TRIM66: variants seen among roughly 807,000 people sequenced by gnomAD.
The protein encoded by TRIM66 is tripartite motif containing 66, also known as tripartite motif-containing protein 66.
In TRIM66, 99 loss-of-function variants were observed where a neutral mutation model predicts 148.2. The ratio of observed to expected loss-of-function variants is 0.67; its 90% confidence interval spans 0.57 to 0.79. The LOEUF (loss-of-function observed/expected upper bound fraction) is 0.79. Ranked by LOEUF, TRIM66 falls within the 30% of genes least tolerant of loss-of-function variation. The probability of loss-of-function intolerance (pLI) is 0.00; values close to 1 mark genes in which losing one functional copy is unlikely to be tolerated. For missense variants in TRIM66, 1,666 were observed against 1,697.9 expected, an observed-to-expected ratio of 0.98 and a Z score of 0.33; for synonymous variants, 616 against 635.9, an observed-to-expected ratio of 0.97 and a Z score of 0.47.
At chr11:8,650,129 T>C (rs1369300297) in intron 7 of TRIM66, among the ~76,000 whole-genome samples, 1 of 152,070 alleles carries the variant, frequency 6.6e-6, no homozygotes, top group Admixed American at 6.6e-5. Flanking sequence ...CCCCAGTACT[T>C]TGGGAGGCCA....
chr11:8,679,577 C>G (rs982261576), intron 3 of TRIM66, 43 bp downstream of exon 3: 19 of 152,834 alleles, frequency 1.2e-4, no homozygotes, highest in Admixed American at 7.8e-4. Flanking sequence ...GCTCTAATAC[C>G]ACTGATGGTT....
chr11:8,640,682 G>C lies in TRIM66; in HGVS notation c.1693C>G (p.Gln565Glu). ...PVCIVPPQDV[Q>E]QGAHAQPTLQ... Reference sequence around the variant, plus strand: ...GTGGGCTGGGCATGGGCTCCTTGCTGAACATCCTGTGGGGGGACAATGCAC... The same window carrying C: ...GTGGGCTGGGCATGGGCTCCTTGCTCAACATCCTGTGGGGGGACAATGCAC... Residue 565 changes from glutamine (Q) to glutamate (E), a missense_variant, in exon 14 of 25, where the codon CAG becomes GAG. Transcript: ENST00000646038. 3.9e-6 allele frequency: 6 copies of C among 1,551,694 alleles called. No individual in the cohort carries two copies. The highest frequency in any genetic ancestry group is 2.4e-5 in the South Asian group (2 of 84,046).
rs1349491431 is a variant in TRIM66, at chr11:8,638,641, G to A, written c.2310+13C>T. 3 of 1,544,856 alleles carry A rather than the reference G, an allele frequency of 1.9e-6. No individual in the cohort carries two copies. Among genetic ancestry groups the A allele is most frequent in the East Asian group, 4.9e-5 (2 of 40,636 alleles). ...GGTCCCATGTAGTTAGGGAAAACAG[G>A]CTCCTTCAGTACCTTTCTCACCACA... On this transcript the variant is annotated intron_variant, in intron 15 of 24. Transcript: ENST00000646038.
At position 8,648,022 on chromosome 11, in the gene TRIM66, C is replaced by G; in HGVS notation, c.790G>C (p.Val264Leu). Residue 264 changes from valine to leucine, a missense_variant, in exon 10 of 25, where the codon GTG (valine) becomes CTG (leucine). Transcript: ENST00000646038. The stretch of plus-strand genomic sequence containing the variant: ...TGTAGACTGGATTTCTTATGTGCCA[C>G]CTGTGTAGTCACACCTTCCAGAAGC... The part of the protein sequence containing the change: ...RMLLEGVTTQ[V>L]AHKKSSLQTS... 6 of 1,551,798 alleles carry G rather than the reference C, an allele frequency of 3.9e-6. No homozygotes were observed. Among genetic ancestry groups the G allele is most frequent in the Non-Finnish European group, 5.2e-6 (6 of 1,147,014 alleles).
chr11:8,615,413 G>C lies in TRIM66; in HGVS notation c.*2531C>G, dbSNP rs947637683. ...ATTTCCACTGCATGATGTTGTCAAGGACAAAAGGACTTGGCTGACTTCAAA... is the reference window on the plus strand; with the variant it reads ...ATTTCCACTGCATGATGTTGTCAAGCACAAAAGGACTTGGCTGACTTCAAA... On this transcript the variant is annotated 3_prime_UTR_variant, in exon 25 of 25. Coordinates refer to ENST00000646038, the MANE Select transcript of TRIM66 (RefSeq NM_001388022.1). 14 of 152,020 alleles carry C rather than the reference G, an allele frequency of 9.2e-5. No individual in the cohort carries two copies. The highest frequency in any genetic ancestry group is 3.4e-4 in the African/African-American group (14 of 41,382). 9.4% of individuals were successfully genotyped at this position (152,020 alleles called of 1,614,324 possible). A position where few individuals can be genotyped will look rare whatever the true frequency, so the allele number is the denominator to read the frequency against.
intron 15 of TRIM66, among the ~76,000 whole-genome samples, chr11:8,634,865 G>C (rs928433570): frequency 2.0e-5 from 3 of 152,114 alleles, no homozygotes; most frequent in African/African-American, 7.2e-5. Context: ...CTCGCAGAAA[G>C]GTGCGTGGTG....
chr11:8,648,693 T>C, intron 8 of TRIM66, 145 bp from the exon 9 acceptor site: 1 of 1,019,538 alleles, frequency 9.8e-7, no homozygotes. Flanking sequence ...GAGATGACTC[T>C]CCAGGGGCAC....
chr11:8,682,681 A>C, upstream of TRIM66: 1 of 1,020,458 alleles, frequency 9.8e-7, no homozygotes, highest in Non-Finnish European at 1.5e-6. Context: ...GCAGGCGCGC[A>C]ATCCCGCGAG....
At chr11:8,620,366 C>A (rs1042480245) in intron 21 of TRIM66, 80 bp downstream of exon 21, 5 of 1,525,864 alleles carry the variant, frequency 3.3e-6, no homozygotes, top group African/African-American at 1.4e-5. Flanking sequence ...CCCCTCATCC[C>A]CTCTCAAAGG....
At chr11:8,650,577 C>T (rs1326131452) in intron 7 of TRIM66, among the ~76,000 whole-genome samples, 2 of 152,144 alleles carry the variant, frequency 1.3e-5, no homozygotes, top group African/African-American at 4.8e-5. Context: ...AAGCTAAGGA[C>T]ACCCAGATGC....
intron 15 of TRIM66, among the ~76,000 whole-genome samples, chr11:8,629,160 G>C (rs1040948937): frequency 6.6e-6 from 1 of 152,136 alleles, no homozygotes; most frequent in African/African-American, 2.4e-5. Context: ...ACATGCCCAG[G>C]CCTGCATTCC....
rs1278503641 is a variant in TRIM66, at chr11:8,621,323, T to C, written c.3256-2A>G. ...CTCAGACAGTCTGTCCTGGCTGACC[T>C]TGGGGAAGAAGTAAGTCTGGGCAGC... On this transcript the variant is annotated splice_acceptor_variant, in intron 19 of 24. Coordinates refer to ENST00000646038, the MANE Select transcript of TRIM66 (RefSeq NM_001388022.1). LOFTEE classifies it high-confidence loss of function. 1 of 1,548,362 alleles carries C rather than the reference T, an allele frequency of 6.5e-7. No homozygotes were observed. Among genetic ancestry groups the C allele is most frequent in the Non-Finnish European group, 8.7e-7 (1 of 1,144,852 alleles).
intron 15 of TRIM66, among the ~76,000 whole-genome samples, chr11:8,628,058 C>T (rs1023727134): frequency 3.9e-5 from 6 of 152,150 alleles, no homozygotes; most frequent in African/African-American, 2.4e-5. Context: ...TCTTGAACTC[C>T]TAGGCTCAAG....
Position 8,641,008 on chromosome 11 carries a change from T to C in TRIM66, c.1367A>G (p.Gln456Arg), listed in dbSNP as rs2036342460. ...EALSHPSHKF[Q>R]SPAVCSSSVC... ...AGATGAGGAGCACACTGCTGGAGAC[T>C]GGAACTTGTGTGAGGGGTGGCTAAG... is the stretch of plus-strand genomic sequence containing the variant. The change falls in exon 14 of 25, where the codon CAG becomes CGG. Residue 456 changes from glutamine to arginine, a missense_variant. Physicochemically the swap from Gln to Arg is conservative, Grantham distance 43. Coordinates refer to ENST00000646038, the MANE Select transcript of TRIM66 (RefSeq NM_001388022.1). The C allele has an allele frequency of 1.9e-6, 3 of 1,551,528 alleles. No homozygotes were observed. The highest frequency in any genetic ancestry group is 1.7e-6 in the Non-Finnish European group (2 of 1,146,964).
chr11:8,651,994 G>A, intron 6 of TRIM66, 91 bp from the exon 7 acceptor site: 2 of 1,017,078 alleles, frequency 2.0e-6, no homozygotes, highest in Admixed American at 2.5e-5. Flanking sequence ...ACAACACCAA[G>A]ATACATGGCA....
intron 10 of TRIM66, 78 bp from the exon 11 acceptor site, chr11:8,646,639 A>T: frequency 8.5e-7 from 1 of 1,176,884 alleles, no homozygotes; most frequent in East Asian, 2.6e-5. Context: ...AAACATAAGA[A>T]CCAACTTGGA....
At chr11:8,658,868 C>T (rs2038054485) in intron 6 of TRIM66, 1 of 913,430 alleles carries the variant, frequency 1.1e-6, no homozygotes, top group Non-Finnish European at 1.3e-6. Flanking sequence ...TGCCACTTCA[C>T]CTGAAGTCCT....
At chr11:8,622,422 T>C (rs2034383603) in intron 18 of TRIM66, among the ~76,000 whole-genome samples, 6 of 137,286 alleles carry the variant, frequency 4.4e-5, no homozygotes, top group Admixed American at 3.7e-4. Context: ...CCCTGACTAA[T>C]ACAATCCCCA....
In TRIM66 at chr11:8,620,431, A is replaced by T; in HGVS notation, c.3672+15T>A. 1.3e-6 allele frequency: 2 copies of T among 1,551,504 alleles called. No individual in the cohort carries two copies. Among genetic ancestry groups the T allele is most frequent in the Non-Finnish European group, 1.7e-6 (2 of 1,146,820 alleles). ...CCAAAGGCAGGGAACCTTGTTTCCA[A>T]AGACTCCTCCCTACCTTCTGGTCAT... On this transcript the variant is annotated intron_variant, in intron 21 of 24. Transcript: ENST00000646038.
Sources: gnomAD v4.1 joint callset for allele counts (sites outside exome capture counted in the v4.1 genomes callset) on GRCh38, gnomAD v4.1.1 for gene constraint, MANE v1.5 for transcripts, NCBI Gene and HGNC (gene_info 2026-07-23, HGNC 2026-07-21) for gene names.